Variants in GPRIN3 observed in about 807,000 individuals in gnomAD.
The protein encoded by GPRIN3 is G protein-regulated inducer of neurite outgrowth 3.
A neutral mutation model predicts 13.7 loss-of-function variants in GPRIN3; 12 were observed. That is an observed-to-expected ratio of 0.87 (90% confidence interval 0.56 to 1.42). The LOEUF is 1.42. Ranked by LOEUF, GPRIN3 falls within the 40% of genes most tolerant of loss-of-function variation. GPRIN3 has a pLI of 0.00. For synonymous variants in GPRIN3, 377 were observed against 372.7 expected (o/e 1.01, Z -0.13); for missense variants, 1,009 against 958.7 (o/e 1.05, Z -0.69).
intron 1 of GPRIN3, chr4:89,251,179 C>G (rs915758836): frequency 6.6e-6 from 1 of 151,942 alleles, no homozygotes; most frequent in South Asian, 2.1e-4. Flanking sequence ...TTACAAGATA[C>G]GAAATTTAAG....
At chr4:89,250,637 G>A (rs1466303096) in intron 1 of GPRIN3, 1 of 152,194 alleles carries the variant, frequency 6.6e-6, no homozygotes, top group African/African-American at 2.4e-5. Context: ...AAACAGATAT[G>A]TGAAATAAGA....
chr4:89,275,831 CG>C (rs1724077611), intron 1 of GPRIN3, among the ~76,000 whole-genome samples: 1 of 152,094 alleles, frequency 6.6e-6, no homozygotes, highest in South Asian at 2.1e-4. Context: ...TCTGGGATAC[CG>C]ATCAGATGGG....
rs1722869783 is a variant in GPRIN3 at position 89,239,591 on chromosome 4, C to T, written c.*8189G>A. 6.6e-6 allele frequency: 1 copy of T among 152,186 alleles called. No individual in the cohort carries two copies. The highest frequency in any genetic ancestry group is 2.4e-5 in the African/African-American group (1 of 41,450). 9.4% of individuals were successfully genotyped at this position (152,186 alleles called of 1,614,324 possible). On this transcript the variant is annotated 3_prime_UTR_variant, in exon 2 of 2. Coordinates refer to ENST00000609438, the MANE Select transcript of GPRIN3 (RefSeq NM_198281.3). Reference sequence around the variant, plus strand: ...GTTTTTAAATGTTATTCTTAACTTTCTACTGAGAAGTGGTTGTTTGTACTT... The same window carrying T: ...GTTTTTAAATGTTATTCTTAACTTTTTACTGAGAAGTGGTTGTTTGTACTT...
At chr4:89,266,705 T>C (rs1387138330) in intron 1 of GPRIN3, among the ~76,000 whole-genome samples, 1 of 152,200 alleles carries the variant, frequency 6.6e-6, no homozygotes, top group East Asian at 1.9e-4. Flanking sequence ...CAGAAAAATA[T>C]TGAGGTTCCA....
rs1241121469 is a variant in GPRIN3, at chr4:89,247,814, C to T, written c.2297G>A (p.Cys766Tyr). ...CACAGAAGACGGGGCAGGACGGACG[C>T]AGCAGTTGGGGCGTCGGAAGTTCTG... is the stretch of plus-strand genomic sequence containing the variant. ...MLQNFRRPNC[C>Y]VRPAPSSVLD The change falls in exon 2 of 2, where the codon TGC becomes TAC. Residue 766 changes from cysteine to tyrosine, a missense_variant. Coordinates refer to ENST00000609438, the MANE Select transcript of GPRIN3 (RefSeq NM_198281.3). The T allele has an allele frequency of 6.2e-7, 1 of 1,613,656 alleles. No homozygotes were observed. Among genetic ancestry groups the T allele is most frequent in the East Asian group, 2.2e-5 (1 of 44,852 alleles).
At chr4:89,287,600 G>A (rs1724458236) in intron 1 of GPRIN3, among the ~76,000 whole-genome samples, 1 of 152,162 alleles carries the variant, frequency 6.6e-6, no homozygotes, top group African/African-American at 2.4e-5. Context: ...GAGCTGGGAT[G>A]GGGAGATAAT....
At chr4:89,283,040 T>A (rs1407935815) in intron 1 of GPRIN3, among the ~76,000 whole-genome samples, 1 of 152,224 alleles carries the variant, frequency 6.6e-6, no homozygotes, top group Non-Finnish European at 1.5e-5. Flanking sequence ...AAAGACCGAT[T>A]GTTATTAATA....
chr4:89,278,175 G>C (rs371277473), intron 1 of GPRIN3, among the ~76,000 whole-genome samples: 1 of 152,068 alleles, frequency 6.6e-6, no homozygotes, highest in Non-Finnish European at 1.5e-5. Flanking sequence ...CAGATTTCCA[G>C]TTCACTGTAT....
At chr4:89,257,231 A>G (rs1167397956) in intron 1 of GPRIN3, among the ~76,000 whole-genome samples, 2 of 152,210 alleles carry the variant, frequency 1.3e-5, no homozygotes, top group Admixed American at 6.5e-5. Flanking sequence ...CTCATGAGAA[A>G]CAAGCTGCAT....
chr4:89,296,104 C>T (rs1724724035), intron 1 of GPRIN3, among the ~76,000 whole-genome samples: 2 of 152,106 alleles, frequency 1.3e-5, no homozygotes, highest in Non-Finnish European at 2.9e-5. Context: ...TGCTGGAAAT[C>T]TGCAGTCTGA....
At chr4:89,287,201 A>G (rs1473801792) in intron 1 of GPRIN3, among the ~76,000 whole-genome samples, 2 of 152,338 alleles carry the variant, frequency 1.3e-5, no homozygotes, top group African/African-American at 4.8e-5. Context: ...GGGAAGATAC[A>G]CCATGAAAAA....
At position 89,261,370 on chromosome 4, in the gene GPRIN3, C is replaced by A. The variant is rs939775801; in HGVS notation, c.-123-11137G>T. Among the ~76,000 whole-genome samples the A allele has an allele frequency of 3.3e-5, 5 of 152,180 alleles. No homozygotes were observed. In the East Asian group the frequency reaches 7.7e-4, roughly 23 times the overall value. ...ACGTAATTGTCCCTGATTGAAAGAA[C>A]CACTGATCCAGGAGGTGAGCATATT... is the stretch of plus-strand genomic sequence containing the variant. On this transcript the variant is annotated intron_variant, in intron 1 of 1. Transcript: ENST00000609438.
At chr4:89,299,717 T>C (rs1283899411) in intron 1 of GPRIN3, among the ~76,000 whole-genome samples, 2 of 152,228 alleles carry the variant, frequency 1.3e-5, no homozygotes, top group East Asian at 3.9e-4. Context: ...CAAGCTGGGA[T>C]ACGAGTTGAT....
In GPRIN3 at chr4:89,246,577, G is replaced by A. The variant is rs993442242; in HGVS notation, c.*1203C>T. On this transcript the variant is annotated 3_prime_UTR_variant, in exon 2 of 2. Transcript: ENST00000609438. Reference sequence around the variant, plus strand: ...TTTCATTGGGTTTGAAGGATATTATGGGTATTTCTCTTAAAATCAATAAGT... The same window carrying A: ...TTTCATTGGGTTTGAAGGATATTATAGGTATTTCTCTTAAAATCAATAAGT... 2.0e-5 allele frequency: 3 copies of A among 152,054 alleles called. No individual in the cohort carries two copies. Among genetic ancestry groups the A allele is most frequent in the African/African-American group, 7.2e-5 (3 of 41,402 alleles). 9.4% of individuals were successfully genotyped at this position (152,054 alleles called of 1,614,324 possible). A position where few individuals can be genotyped will look rare whatever the true frequency, so the allele number is the denominator to read the frequency against.
chr4:89,280,991 G>A (rs4280701), intron 1 of GPRIN3, among the ~76,000 whole-genome samples: 27,342 of 152,038 alleles, frequency 0.18, 5,732 homozygotes, highest in African/African-American at 0.52. Context: ...TATGGGAAGC[G>A]TGGTGCTGGC....
intron 1 of GPRIN3, among the ~76,000 whole-genome samples, chr4:89,262,072 G>A (rs1238135391): frequency 6.8e-6 from 1 of 147,250 alleles, no homozygotes; most frequent in African/African-American, 2.5e-5. Context: ...GTTGCAGTGA[G>A]TTGAGATGCT....
intron 1 of GPRIN3, among the ~76,000 whole-genome samples, chr4:89,276,435 A>G (rs1046912951): frequency 6.6e-6 from 1 of 152,134 alleles, no homozygotes; most frequent in African/African-American, 2.4e-5. Flanking sequence ...TATCACCTAG[A>G]TTTTGAATTT....
chr4:89,273,050 A>G (rs1724002991), intron 1 of GPRIN3, among the ~76,000 whole-genome samples: 2 of 152,186 alleles, frequency 1.3e-5, no homozygotes, highest in South Asian at 4.1e-4. Context: ...TTCTTAATTT[A>G]AGAAACACTC....
chr4:89,272,331 T>C (rs1723981326), intron 1 of GPRIN3, among the ~76,000 whole-genome samples: 1 of 152,160 alleles, frequency 6.6e-6, no homozygotes, highest in Non-Finnish European at 1.5e-5. Context: ...TGGCAATTGC[T>C]GGTGTTGGGC....
Sources: allele counts gnomAD v4.1 joint callset (sites outside exome capture counted in the v4.1 genomes callset), GRCh38; gene constraint gnomAD v4.1.1; transcripts MANE v1.5; gene names NCBI Gene and HGNC (gene_info 2026-07-23, HGNC 2026-07-21).